Variants in A2ML1 observed in about 807,000 individuals in gnomAD.
A2ML1 encodes the protein alpha-2-macroglobulin like 1.
A neutral mutation model predicts 181.9 loss-of-function variants in A2ML1; 161 were observed. The observed-to-expected ratio is 0.89, with a 90% CI of 0.78 to 1.01. A2ML1 has a LOEUF of 1.01. A2ML1 is among the 50% of genes least tolerant of loss of function. The pLI is 0.00. For missense variants in A2ML1, 1,670 were observed against 1,768.1 expected, an observed-to-expected ratio of 0.94 and a Z score of 1.00; for synonymous variants, 663 against 666.8, an observed-to-expected ratio of 0.99 and a Z score of 0.09.
chr12:8,876,359 G>A lies in A2ML1; in HGVS notation c.*303G>A, dbSNP rs974220821. 1 of 152,158 alleles carries A rather than the reference G, an allele frequency of 6.6e-6. No homozygotes were observed. Among genetic ancestry groups the A allele is most frequent in the Non-Finnish European group, 1.5e-5 (1 of 68,036 alleles). 9.4% of individuals were successfully genotyped at this position (152,158 alleles called of 1,614,324 possible). A position where few individuals can be genotyped will look rare whatever the true frequency, so the allele number is the denominator to read the frequency against. ...TCTCCAGAGAGGAGACGGTGGTAGAGGGTGAACTAGAGAAGATAAGAATGT... is the reference window on the plus strand; with the variant it reads ...TCTCCAGAGAGGAGACGGTGGTAGAAGGTGAACTAGAGAAGATAAGAATGT... On this transcript the variant is annotated 3_prime_UTR_variant, in exon 36 of 36. Transcript: ENST00000299698.
exon 8 of A2ML1, chr12:8,886,744 A>G (rs1372017212): frequency 6.6e-6 from 1 of 152,210 alleles, no homozygotes; most frequent in Non-Finnish European, 1.5e-5. Context: ...TTCTGAAGAC[A>G]TCAGTCACAT....
intron 7 of A2ML1, among the ~76,000 whole-genome samples, chr12:8,883,911 C>T (rs754425072): frequency 6.6e-6 from 1 of 151,772 alleles, no homozygotes; most frequent in Non-Finnish European, 1.5e-5. Context: ...TCAGCCTCCC[C>T]AGTAGCTGAG....
At chr12:8,875,824 G>T (rs1386320219) in intron 35 of A2ML1, 2 of 152,090 alleles carry the variant, frequency 1.3e-5, no homozygotes, top group Admixed American at 1.3e-4. Context: ...GATTGAAAAT[G>T]GATTGATTTT....
intron 7 of A2ML1, among the ~76,000 whole-genome samples, chr12:8,883,604 A>C (rs1287761705): frequency 6.6e-6 from 1 of 151,226 alleles, no homozygotes; most frequent in East Asian, 2.0e-4. Context: ...CAGCCTCCCA[A>C]GTAGCTGGGA....
In A2ML1 at chr12:8,838,343, A is replaced by G. The variant is rs75617691; in HGVS notation, c.863A>G (p.Lys288Arg). Residue 288 changes from lysine (K) to arginine (R), a missense_variant, in exon 9 of 36, where the codon AAA (lysine) becomes AGA (arginine). By Grantham distance (26) the Lys-to-Arg change is conservative. Transcript: ENST00000299698. ...CTCTGATCACCTCACTAGACTGACA[A>G]AACAGGATGTTTCTCAGCACCTGTG... The part of the protein sequence containing the change: ...KCRNLSGQTD[K>R]TGCFSAPVDM... 724 of 1,613,062 alleles carry G rather than the reference A, an allele frequency of 4.5e-4. 5 individuals carry two copies. The African/African-American group carries it at 8.7e-3, about 19-fold the overall frequency.
intron 5 of A2ML1, chr12:8,835,061 T>C: frequency 3.5e-6 from 1 of 288,694 alleles, no homozygotes; most frequent in Non-Finnish European, 6.5e-6. Flanking sequence ...GAGAAGTATT[T>C]TAAAGGAAAG....
downstream of A2ML1, among the ~76,000 whole-genome samples, chr12:8,881,569 C>T (rs1473299702): frequency 6.6e-6 from 1 of 152,172 alleles, no homozygotes; most frequent in Non-Finnish European, 1.5e-5. Flanking sequence ...TTAAGTGTTT[C>T]TTAATTGCCT....
chr12:8,852,484 T>A lies in A2ML1; in HGVS notation c.2590+148T>A, dbSNP rs1943927411. On this transcript the variant is annotated intron_variant, in intron 20 of 35. Transcript: ENST00000299698. This position sits in a 1 kb window ranked among gnomAD's most constrained non-coding sequence, Gnocchi z 4.2. Reference sequence around the variant, plus strand: ...CCCTCCTAAGGCTGTTATAAGTCAATACACAAACACTCTTTGATAGGTGAC... The same window carrying A: ...CCCTCCTAAGGCTGTTATAAGTCAAAACACAAACACTCTTTGATAGGTGAC... 2 of 1,190,270 alleles carry A rather than the reference T, an allele frequency of 1.7e-6. No homozygotes were observed. The highest frequency in any genetic ancestry group is 2.3e-6 in the Non-Finnish European group (2 of 851,692). The allele number at this position is 1,190,270 out of a possible 1,614,324, so 73.7% of individuals were successfully genotyped here.
rs1397566888 is a variant in A2ML1, at chr12:8,836,401, G to A, written c.728+62G>A. ...GATGCATCGAGAGACATGATGAGGG[G>A]ATGACATGGGATGTGGGATTATGGG... On this transcript the variant is annotated intron_variant, in intron 7 of 35. Coordinates refer to ENST00000299698, the MANE Select transcript of A2ML1 (RefSeq NM_144670.6). 2.8e-6 allele frequency: 4 copies of A among 1,407,030 alleles called. No individual in the cohort carries two copies. The East Asian group carries it at 9.3e-5, about 33-fold the overall frequency. 87.2% of individuals were successfully genotyped at this position (1,407,030 alleles called of 1,614,324 possible).
At chr12:8,847,780 GAA>G (rs1429318509) in intron 15 of A2ML1, 82 bp downstream of exon 15, 68 of 1,515,458 alleles carry the variant, frequency 4.5e-5, no homozygotes, top group Admixed American at 1.0e-4. Flanking sequence ...GCAGGGGAGA[GAA>G]AGTCTTAGGG....
At chr12:8,837,417 C>T (rs774637915) in intron 7 of A2ML1, 23 bp from the exon 8 acceptor site, 83 of 1,612,124 alleles carry the variant, frequency 5.1e-5, no homozygotes, top group Non-Finnish European at 6.5e-5. Context: ...CCAACTCTGA[C>T]TCCTTATGCT....
intron 1 of A2ML1, among the ~76,000 whole-genome samples, chr12:8,822,939 T>C (rs943624019): frequency 1.3e-5 from 2 of 152,188 alleles, no homozygotes; most frequent in Non-Finnish European, 2.9e-5. Context: ...TTTTCTGAAA[T>C]AGGCCTAATT....
intron 7 of A2ML1, among the ~76,000 whole-genome samples, chr12:8,884,850 G>T (rs1029201911): frequency 6.6e-6 from 1 of 152,210 alleles, no homozygotes; most frequent in Non-Finnish European, 1.5e-5. Flanking sequence ...GAAAAACATG[G>T]TCTCATTCCT....
At chr12:8,846,007 A>G in intron 13 of A2ML1, 70 bp from the exon 14 acceptor site, 1 of 1,582,124 alleles carries the variant, frequency 6.3e-7, no homozygotes, top group Non-Finnish European at 8.7e-7. Flanking sequence ...TGAAAAGTAC[A>G]TATGGTTAGA....
In A2ML1 at chr12:8,847,816, G is replaced by A. The variant is rs1943747305; in HGVS notation, c.1833+118G>A. 3.8e-6 allele frequency: 5 copies of A among 1,323,704 alleles called. No homozygotes were observed. In the South Asian group the frequency reaches 4.6e-5, roughly 12 times the overall value. 82.0% of individuals were successfully genotyped at this position (1,323,704 alleles called of 1,614,324 possible). On this transcript the variant is annotated intron_variant, in intron 15 of 35. Transcript: ENST00000299698. The stretch of plus-strand genomic sequence containing the variant: ...GGAAATAATGCACTGCCATAAGGCG[G>A]TAAAAAGGCTGGTGTGAAAATGAAG...
At chr12:8,856,898 C>CTTTTTTTTTTTTT (rs71891886) in intron 23 of A2ML1, among the ~76,000 whole-genome samples, 8 of 124,972 alleles carry the variant, frequency 6.4e-5, no homozygotes, top group East Asian at 2.5e-4. Flanking sequence ...ACAGTAGGTA[C>CTTTTTTTTTTTTT]TTTTTTTTTT....
rs1157331123 is a variant in A2ML1, at chr12:8,858,008, A to G, written c.3170A>G (p.Lys1057Arg). 7.4e-6 allele frequency: 12 copies of G among 1,614,214 alleles called. No individual in the cohort carries two copies. Among genetic ancestry groups the G allele is most frequent in the African/African-American group, 1.3e-5 (1 of 75,030 alleles). The change falls in exon 26 of 36, where the codon AAG becomes AGG. Residue 1057 changes from lysine (K) to arginine (R), a missense_variant. Transcript: ENST00000299698. ...CAGAAATTCATCTTCATTGATCCCA[A>G]GAACATCCAGGATGCTCTCAAGTGG... is the stretch of plus-strand genomic sequence containing the variant. The part of the protein sequence containing the change: ...QAQKFIFIDP[K>R]NIQDALKWMA...
intron 25 of A2ML1, 66 bp downstream of exon 25, chr12:8,857,654 A>G: frequency 6.6e-7 from 1 of 1,513,400 alleles, no homozygotes; most frequent in South Asian, 1.2e-5. Context: ...CTCTGGAACT[A>G]TTCCACTACC....
In A2ML1 at chr12:8,865,476, T is replaced by C. The variant is rs781396397; in HGVS notation, c.3717+1468T>C. On this transcript the variant is annotated intron_variant, in intron 29 of 35. Transcript: ENST00000299698. Reference sequence around the variant, plus strand: ...ATCGCTTGAACCCGGGAGGCAGAGGTTGCGGTGAGCCGAGATGGCGCCATT... The same window carrying C: ...ATCGCTTGAACCCGGGAGGCAGAGGCTGCGGTGAGCCGAGATGGCGCCATT... 1.2e-4 allele frequency among the ~76,000 whole-genome samples: 18 copies of C among 152,190 alleles called. No homozygotes were observed. The East Asian group carries it at 3.3e-3, about 28-fold the overall frequency.
Sources: gnomAD v4.1 joint callset for allele counts (sites outside exome capture counted in the v4.1 genomes callset) on GRCh38, gnomAD v4.1.1 for gene constraint, Gnocchi (gnomAD v3.1) non-coding constraint, MANE v1.5 for transcripts, NCBI Gene and HGNC (gene_info 2026-07-23, HGNC 2026-07-21) for gene names.